NRP1: variants seen among roughly 807,000 people sequenced by gnomAD.
NRP1 encodes the protein neuropilin-1.
Under a neutral mutation model 106.7 loss-of-function variants are expected in NRP1, and 35 were observed. That is an observed-to-expected ratio of 0.33 (90% confidence interval 0.25 to 0.43). NRP1 has a LOEUF of 0.43. NRP1 is among the 20% of genes least tolerant of loss of function. The probability of loss-of-function intolerance (pLI) is 1.00; values close to 1 mark genes in which losing one functional copy is unlikely to be tolerated. For synonymous variants in NRP1, 437 were observed against 417.9 expected, an observed-to-expected ratio of 1.05 and a Z score of -0.56; for missense variants, 1,024 against 1,170.4, an observed-to-expected ratio of 0.87 and a Z score of 1.83.
At chr10:33,281,988 T>C (rs1844168850) in intron 2 of NRP1, among the ~76,000 whole-genome samples, 1 of 152,224 alleles carries the variant, frequency 6.6e-6, no homozygotes. Flanking sequence ...ACTCTCAGAA[T>C]ATGACCATAG....
intron 2 of NRP1, among the ~76,000 whole-genome samples, chr10:33,324,788 C>T (rs1235940931): frequency 6.6e-6 from 1 of 152,142 alleles, no homozygotes; most frequent in East Asian, 1.9e-4. Context: ...CAGGCGTGCA[C>T]CACCTTGCCT....
At chr10:33,242,149 C>G (rs779454777) in intron 6 of NRP1, among the ~76,000 whole-genome samples, 4 of 152,234 alleles carry the variant, frequency 2.6e-5, no homozygotes, top group South Asian at 4.2e-4. Context: ...TTTACTCCCC[C>G]CAGAAGACAC....
At chr10:33,234,133 C>T (rs745409538) in intron 6 of NRP1, among the ~76,000 whole-genome samples, 6 of 152,062 alleles carry the variant, frequency 3.9e-5, no homozygotes, top group African/African-American at 7.2e-5. Context: ...CATTAATAAC[C>T]GGAAATTCAT....
At chr10:33,277,323 G>A (rs189947819) in intron 2 of NRP1, among the ~76,000 whole-genome samples, 27 of 152,254 alleles carry the variant, frequency 1.8e-4, no homozygotes, top group Non-Finnish European at 2.6e-4. Flanking sequence ...CCTCCTGCTC[G>A]GGGACCTCAT....
intron 2 of NRP1, among the ~76,000 whole-genome samples, chr10:33,323,531 T>C (rs1238146234): frequency 2.0e-5 from 3 of 152,100 alleles, no homozygotes; most frequent in Admixed American, 6.5e-5. Flanking sequence ...TATCTATGAA[T>C]TGTTTCAACC....
intron 6 of NRP1, among the ~76,000 whole-genome samples, chr10:33,246,922 A>G (rs1841471487): frequency 6.6e-6 from 1 of 152,178 alleles, no homozygotes; most frequent in African/African-American, 2.4e-5. Flanking sequence ...ATACAACACT[A>G]TGGACAAAAC....
At chr10:33,297,107 T>C (rs7910405) in intron 2 of NRP1, among the ~76,000 whole-genome samples, 28,816 of 152,212 alleles carry the variant, frequency 0.19, 3,305 homozygotes, top group African/African-American at 0.32. Context: ...TAAGCTGTAA[T>C]GCAAAGCAAG....
intron 2 of NRP1, among the ~76,000 whole-genome samples, chr10:33,299,042 G>A (rs1845616237): frequency 6.6e-6 from 1 of 152,102 alleles, no homozygotes; most frequent in Admixed American, 6.6e-5. Flanking sequence ...GACCCCACAA[G>A]GTAGGCACTA....
At chr10:33,192,507 G>A (rs1836488735) in intron 12 of NRP1, 89 bp from the exon 13 acceptor site, 4 of 1,361,820 alleles carry the variant, frequency 2.9e-6, no homozygotes, top group Non-Finnish European at 4.1e-6. Context: ...GTTCACTCAT[G>A]GAAAGCACGA....
chr10:33,213,146 C>T, intron 9 of NRP1: 1 of 1,120,290 alleles, frequency 8.9e-7, no homozygotes, highest in African/African-American at 1.6e-5. Flanking sequence ...GCTGTCTGTC[C>T]ATCCCTACAG....
intron 6 of NRP1, among the ~76,000 whole-genome samples, chr10:33,245,410 G>C (rs1177982016): frequency 6.6e-6 from 1 of 152,160 alleles, no homozygotes; most frequent in African/African-American, 2.4e-5. Flanking sequence ...AAAAGAAAAA[G>C]ATTATGCAAA....
intron 4 of NRP1, among the ~76,000 whole-genome samples, chr10:33,262,928 C>T (rs535793001): frequency 6.6e-6 from 1 of 152,312 alleles, no homozygotes; most frequent in African/African-American, 2.4e-5. Flanking sequence ...AGAAGAGAAA[C>T]TCCAAAGGGC....
At chr10:33,199,237 C>T (rs1837029640) in intron 11 of NRP1, among the ~76,000 whole-genome samples, 1 of 150,844 alleles carries the variant, frequency 6.6e-6, no homozygotes, top group South Asian at 2.1e-4. Flanking sequence ...CTTGCTGTCA[C>T]CCAGGCTGGA....
intron 12 of NRP1, among the ~76,000 whole-genome samples, chr10:33,193,165 C>T (rs1002733214): frequency 2.6e-5 from 4 of 151,968 alleles, no homozygotes; most frequent in Non-Finnish European, 5.9e-5. Context: ...CAAAAGGCTT[C>T]CTTAGGAATC....
At position 33,202,633 on chromosome 10, in the gene NRP1, T is replaced by C. The variant is rs765745406; in HGVS notation, c.1864+258A>G. ...GTACATTTAGCCATGGGGAAATTCT[T>C]ATTCAATTAAGATAATCCTAGCCTT... On this transcript the variant is annotated intron_variant, in intron 11 of 16. Coordinates refer to ENST00000374867, the MANE Select transcript of NRP1 (RefSeq NM_003873.7). 3.3e-6 allele frequency: 5 copies of C among 1,523,910 alleles called. No homozygotes were observed. The African/African-American group carries it at 4.1e-5, about 13-fold the overall frequency. 94.4% of individuals were successfully genotyped at this position (1,523,910 alleles called of 1,614,324 possible).
intron 2 of NRP1, among the ~76,000 whole-genome samples, chr10:33,298,358 T>C (rs1845561730): frequency 6.6e-6 from 1 of 152,152 alleles, no homozygotes; most frequent in African/African-American, 2.4e-5. Flanking sequence ...CACCCTCCTG[T>C]TCTGGCGCTG....
rs150625889 is a variant in NRP1 at position 33,213,389 on chromosome 10, C to T, written c.1611G>A (p.Ala537=). Residue 537 remains alanine, a synonymous_variant, in exon 9 of 17, where the codon GCG becomes GCA. Coordinates refer to ENST00000374867, the MANE Select transcript of NRP1 (RefSeq NM_003873.7). The part of the protein sequence containing the change: ...KMIMDDSKRK[A]KSFEGNNNYD... ...CCTCCCAGTCCCCAGCCCTCACCTT[C>T]GCCTTGCGTTTGCTGTCATCCATGA... 1.8e-4 allele frequency: 286 copies of T among 1,614,058 alleles called. No individual in the cohort carries two copies. In the Middle Eastern group the frequency reaches 1.8e-3, roughly 10 times the overall value.
rs375913477 is a variant in NRP1, at chr10:33,302,114, A to G, written c.248+28594T>C. Reference sequence around the variant, plus strand: ...TAAAAAAAAATTTCCAATTTCTCCAAAGTGAAGAATAATGTAACAACGGAA... The same window carrying G: ...TAAAAAAAAATTTCCAATTTCTCCAGAGTGAAGAATAATGTAACAACGGAA... On this transcript the variant is annotated intron_variant, in intron 2 of 16. Coordinates refer to ENST00000374867, the MANE Select transcript of NRP1 (RefSeq NM_003873.7). 2.0e-5 allele frequency among the ~76,000 whole-genome samples: 3 copies of G among 152,354 alleles called. No homozygotes were observed. In the East Asian group the frequency reaches 5.8e-4, roughly 29 times the overall value.
intron 16 of NRP1, among the ~76,000 whole-genome samples, chr10:33,182,244 T>C (rs1381076621): frequency 3.9e-5 from 6 of 152,168 alleles, no homozygotes; most frequent in Non-Finnish European, 7.4e-5. Context: ...CACAATGGAT[T>C]ATCTCAGAAA....
Sources: gnomAD v4.1 joint callset for allele counts (sites outside exome capture counted in the v4.1 genomes callset) on GRCh38, gnomAD v4.1.1 for gene constraint, MANE v1.5 for transcripts, NCBI Gene and HGNC (gene_info 2026-07-23, HGNC 2026-07-21) for gene names.